JARID2: variants seen among roughly 807,000 people sequenced by gnomAD.
The protein encoded by JARID2 is protein Jumonji.
In JARID2, 21 loss-of-function variants were observed where a neutral mutation model predicts 125.6. That is an observed-to-expected ratio of 0.17 (90% CI 0.12 to 0.24). The LOEUF is 0.24. Among genes scored for constraint, JARID2 ranks in the 10% least tolerant of loss-of-function variants. The probability of loss-of-function intolerance (pLI) is 1.00; values close to 1 mark genes in which losing one functional copy is unlikely to be tolerated. For synonymous variants in JARID2, 736 were observed against 661.6 expected (o/e 1.11, Z -1.73); for missense variants, 1,303 against 1,639.6 (o/e 0.79, Z 3.55).
chr6:15,252,852 T>G (rs1392038089), intron 1 of JARID2, among the ~76,000 whole-genome samples: 4 of 152,228 alleles, frequency 2.6e-5, no homozygotes, highest in Non-Finnish European at 5.9e-5. Context: ...TCTTTGTTTT[T>G]CTGATTCCTT....
rs372626692 is a variant in JARID2 at position 15,404,280 on chromosome 6, G to A, written c.182-5944G>A. Among the ~76,000 whole-genome samples, 3 of 152,288 alleles carry A rather than the reference G, an allele frequency of 2.0e-5. 1 individual carries two copies. Among genetic ancestry groups the A allele is most frequent in the African/African-American group, 7.2e-5 (3 of 41,556 alleles). ...CTGACCTGCATGTGTACAGTGATGGGCAAACTCCATGTTCATATTGACCAT... is the reference window on the plus strand; with the variant it reads ...CTGACCTGCATGTGTACAGTGATGGACAAACTCCATGTTCATATTGACCAT... On this transcript the variant is annotated intron_variant, in intron 2 of 17. Transcript: ENST00000341776.
intron 1 of JARID2, among the ~76,000 whole-genome samples, chr6:15,271,150 A>G (rs1362596920): frequency 6.6e-6 from 1 of 152,304 alleles, no homozygotes; most frequent in African/African-American, 2.4e-5. Context: ...TCTACTTTGT[A>G]TACTTGTCCG....
At chr6:15,492,792 G>T (rs1316572293) in intron 6 of JARID2, among the ~76,000 whole-genome samples, 1 of 152,166 alleles carries the variant, frequency 6.6e-6, no homozygotes, top group Admixed American at 6.5e-5. Flanking sequence ...TTCAGTCTTC[G>T]TAATTGTTTG....
At position 15,496,938 on chromosome 6, in the gene JARID2, C is replaced by A. The variant is rs145558379; in HGVS notation, c.1713C>A (p.Leu571=). ...CCGCCAAGGAGTTCCACGATCCGCT[C>A]ATCTACATCGAGTCGGTCCGCGCTC... ...RPSAKEFHDP[L]IYIESVRAQV... The change falls in exon 7 of 18, where the codon CTC becomes CTA. Residue 571 remains leucine, a synonymous_variant. Coordinates refer to ENST00000341776, the MANE Select transcript of JARID2 (RefSeq NM_004973.4). 1 of 1,606,150 alleles carries A rather than the reference C, an allele frequency of 6.2e-7. No individual in the cohort carries two copies. The highest frequency in any genetic ancestry group is 1.1e-5 in the South Asian group (1 of 90,258).
intron 8 of JARID2, among the ~76,000 whole-genome samples, chr6:15,502,296 A>C (rs1442936443): frequency 6.6e-6 from 1 of 152,212 alleles, no homozygotes; most frequent in East Asian, 1.9e-4. Flanking sequence ...CCAGCCTGCC[A>C]GTGGGTAGCG....
chr6:15,309,668 C>T (rs1276816634), intron 1 of JARID2, among the ~76,000 whole-genome samples: 3 of 149,310 alleles, frequency 2.0e-5, no homozygotes, highest in Admixed American at 1.3e-4. Context: ...CATATATAAA[C>T]GTGTGTGTGT....
At chr6:15,329,804 G>A (rs1034720893) in intron 1 of JARID2, among the ~76,000 whole-genome samples, 2 of 152,184 alleles carry the variant, frequency 1.3e-5, no homozygotes, top group African/African-American at 4.8e-5. Context: ...TCTCTGTTAG[G>A]TTGCAAATAT....
chr6:15,305,605 A>T lies in JARID2; in HGVS notation c.45+59021A>T, dbSNP rs1046177427. Among the ~76,000 whole-genome samples the T allele has an allele frequency of 5.9e-5, 9 of 152,324 alleles. No homozygotes were observed. In the South Asian group the frequency reaches 8.3e-4, roughly 14 times the overall value. On this transcript the variant is annotated intron_variant, in intron 1 of 17. Coordinates refer to ENST00000341776, the MANE Select transcript of JARID2 (RefSeq NM_004973.4). ...TAGAATGTGGTTCTGATGTGTGAGT[A>T]AAAGCACCTCATTTTCCCCTAACCA...
intron 4 of JARID2, among the ~76,000 whole-genome samples, chr6:15,452,656 G>C (rs1767971242): frequency 6.6e-6 from 1 of 152,144 alleles, no homozygotes; most frequent in Non-Finnish European, 1.5e-5. Context: ...AACAGTACTG[G>C]TACTTTCAGA....
At chr6:15,325,824 T>A (rs1183730688) in intron 1 of JARID2, among the ~76,000 whole-genome samples, 1 of 152,172 alleles carries the variant, frequency 6.6e-6, no homozygotes, top group Non-Finnish European at 1.5e-5. Context: ...TTCCAGATAC[T>A]ACATGATATG....
intron 3 of JARID2, among the ~76,000 whole-genome samples, chr6:15,421,071 C>G (rs569953736): frequency 6.6e-6 from 1 of 152,256 alleles, no homozygotes; most frequent in East Asian, 1.9e-4. Flanking sequence ...CTGCCTTACA[C>G]ATTATATCAC....
At position 15,287,768 on chromosome 6, in the gene JARID2, G is replaced by A. The variant is rs1761058505; in HGVS notation, c.45+41184G>A. On this transcript the variant is annotated intron_variant, in intron 1 of 17. Coordinates refer to ENST00000341776, the MANE Select transcript of JARID2 (RefSeq NM_004973.4). ...TCATTTCCTCGAGGAGACATGTCTAGGTTAGGAGCCCATGTTAAACATGCC... is the reference window on the plus strand; with the variant it reads ...TCATTTCCTCGAGGAGACATGTCTAAGTTAGGAGCCCATGTTAAACATGCC... Among the ~76,000 whole-genome samples, 3 of 152,146 alleles carry A rather than the reference G, an allele frequency of 2.0e-5. No homozygotes were observed. The South Asian group carries it at 6.2e-4, about 32-fold the overall frequency.
intron 3 of JARID2, among the ~76,000 whole-genome samples, chr6:15,438,360 C>T (rs1243497719): frequency 2.0e-5 from 3 of 152,194 alleles, no homozygotes; most frequent in Non-Finnish European, 4.4e-5. Flanking sequence ...TCACCCACAT[C>T]TTTATGAACA....
intron 1 of JARID2, among the ~76,000 whole-genome samples, chr6:15,340,825 C>G (rs1763043286): frequency 6.6e-6 from 1 of 152,158 alleles, no homozygotes; most frequent in African/African-American, 2.4e-5. Flanking sequence ...AGATAACACT[C>G]AGTTGGCCTT....
intron 4 of JARID2, among the ~76,000 whole-genome samples, chr6:15,464,170 A>C (rs973664397): frequency 6.6e-6 from 1 of 152,152 alleles, no homozygotes; most frequent in African/African-American, 2.4e-5. Flanking sequence ...CGAGGAGAAA[A>C]AAAGAACCTA....
intron 2 of JARID2, among the ~76,000 whole-genome samples, chr6:15,406,670 T>C (rs961100405): frequency 6.6e-6 from 1 of 152,170 alleles, no homozygotes; most frequent in African/African-American, 2.4e-5. Context: ...CTTATCAGAG[T>C]AGCCTTATCT....
chr6:15,350,304 A>G (rs987146421), intron 1 of JARID2, among the ~76,000 whole-genome samples: 18 of 152,220 alleles, frequency 1.2e-4, no homozygotes, highest in Non-Finnish European at 2.1e-4. Context: ...ATGTTGACCA[A>G]GCACCTGAAA....
At chr6:15,509,374 G>C (rs148725499) in intron 12 of JARID2, 36 of 985,060 alleles carry the variant, frequency 3.7e-5, no homozygotes, top group Admixed American at 6.1e-5. Flanking sequence ...CTTAGGACTC[G>C]TGTTCTCCCT....
intron 3 of JARID2, among the ~76,000 whole-genome samples, chr6:15,413,015 T>TTTTTG (rs1765964205): frequency 2.1e-5 from 2 of 94,396 alleles, no homozygotes; most frequent in Non-Finnish European, 2.3e-5. Flanking sequence ...TTTGTTTTTT[T>TTTTTG]TTTTTTTGTT....
Sources: allele counts gnomAD v4.1 joint callset (sites outside exome capture counted in the v4.1 genomes callset), GRCh38; gene constraint gnomAD v4.1.1; transcripts MANE v1.5; gene names NCBI Gene and HGNC (gene_info 2026-07-23, HGNC 2026-07-21).